The following ATP2B1 variants were observed in gnomAD, a reference collection of about 807,000 sequenced individuals.
The protein encoded by ATP2B1 is ATPase plasma membrane Ca2+ transporting 1, also known as plasma membrane calcium-transporting ATPase 1.
Under a neutral mutation model 124.2 loss-of-function variants are expected in ATP2B1, and 14 were observed. That is an observed-to-expected ratio of 0.11 (90% CI 0.07 to 0.18). The LOEUF (loss-of-function observed/expected upper bound fraction) is 0.18. Ranked by LOEUF, ATP2B1 falls within the 10% of genes least tolerant of loss-of-function variation. ATP2B1 has a pLI of 1.00. For synonymous variants in ATP2B1, 449 were observed against 492.4 expected, an observed-to-expected ratio of 0.91 and a Z score of 1.17; for missense variants, 763 against 1,466.1, an observed-to-expected ratio of 0.52 and a Z score of 7.83.
chr12:89,629,474 T>C (rs766715034), intron 6 of ATP2B1, among the ~76,000 whole-genome samples: 7 of 152,064 alleles, frequency 4.6e-5, no homozygotes, highest in East Asian at 1.9e-4. Flanking sequence ...AAGGAGGACA[T>C]AGAAAAAAAA....
intron 20 of ATP2B1, among the ~76,000 whole-genome samples, chr12:89,592,752 C>T (rs569587149): frequency 1.3e-5 from 2 of 152,134 alleles, no homozygotes; most frequent in African/African-American, 4.8e-5. Flanking sequence ...AGATTAAATT[C>T]GTTAGCACAC....
intron 1 of ATP2B1, among the ~76,000 whole-genome samples, chr12:89,657,338 T>C (rs368604106): frequency 4.6e-5 from 7 of 152,336 alleles, no homozygotes; most frequent in African/African-American, 1.2e-4. Context: ...ACACATACAA[T>C]GCCCTAAGCA....
At chr12:89,645,327 C>A (rs1884275959) in intron 2 of ATP2B1, among the ~76,000 whole-genome samples, 1 of 152,146 alleles carries the variant, frequency 6.6e-6, no homozygotes, top group Non-Finnish European at 1.5e-5. Flanking sequence ...ATAAAACGAA[C>A]AGTTTTGTAA....
chr12:89,595,778 G>T (rs1203218408), intron 20 of ATP2B1, among the ~76,000 whole-genome samples: 1 of 152,002 alleles, frequency 6.6e-6, no homozygotes, highest in Non-Finnish European at 1.5e-5. Flanking sequence ...GCAACTCTTG[G>T]TGTATAATGA....
intron 1 of ATP2B1, among the ~76,000 whole-genome samples, chr12:89,664,889 C>CTTTTTTTTTTTT: frequency 6.7e-6 from 1 of 150,348 alleles, no homozygotes; most frequent in African/African-American, 2.5e-5. Context: ...CGCTCTGTTG[C>CTTTTTTTTTTTT]CAGGCTGGAG....
intron 1 of ATP2B1, among the ~76,000 whole-genome samples, chr12:89,666,067 T>C (rs2136465942): frequency 6.6e-6 from 1 of 152,332 alleles, no homozygotes; most frequent in Middle Eastern, 3.4e-3. Flanking sequence ...GTTTCATAGT[T>C]GATGATCTTT....
At chr12:89,647,231 T>A (rs4842498) in intron 2 of ATP2B1, among the ~76,000 whole-genome samples, 139,119 of 152,000 alleles carry the variant, frequency 0.92, 64,153 homozygotes, top group East Asian at 0.99. Flanking sequence ...GGAATTGATC[T>A]TCTTATGGCC....
chr12:89,656,510 C>A (rs998026988), intron 1 of ATP2B1, among the ~76,000 whole-genome samples: 2 of 152,178 alleles, frequency 1.3e-5, no homozygotes, highest in African/African-American at 4.8e-5. Context: ...AGTGAGTTTT[C>A]TGCCCAGCTA....
In ATP2B1 at chr12:89,644,128, AAAAG is replaced by A. The variant is rs372932847; in HGVS notation, c.209-1777_209-1774del. Among the ~76,000 whole-genome samples, 225 of 152,338 alleles carry A rather than the reference AAAAG, an allele frequency of 1.5e-3. 2 individuals carry two copies. Among genetic ancestry groups the A allele is most frequent in the African/African-American group, 4.7e-3 (197 of 41,568 alleles). On this transcript the variant is annotated intron_variant, in intron 2 of 20. Coordinates refer to ENST00000428670, the MANE Select transcript of ATP2B1 (RefSeq NM_001366521.1). ...TAGAGCAAGACTCTGTTTCCGAAAA[AAAAG>A]AAAGAAAGAAAGAAAAAGAATGCTA...
chr12:89,611,165 C>A, intron 13 of ATP2B1, 28 bp downstream of exon 13: 2 of 1,552,004 alleles, frequency 1.3e-6, no homozygotes, highest in Admixed American at 2.0e-5. Context: ...ATCTGTCAAC[C>A]AAAAACAAAA....
At chr12:89,695,067 A>AAAAAAAAAAAG (rs776192730) in intron 1 of ATP2B1, among the ~76,000 whole-genome samples, 17 of 146,074 alleles carry the variant, frequency 1.2e-4, no homozygotes, top group Admixed American at 3.5e-4. Context: ...TCAAAAAAAA[A>AAAAAAAAAAAG]AAAAGAAAAG....
rs577357030 is a variant in ATP2B1, at chr12:89,627,768, A to C, written c.929-52T>G. 3.2e-6 allele frequency: 5 copies of C among 1,540,514 alleles called. No homozygotes were observed. The East Asian group carries it at 1.1e-4, about 35-fold the overall frequency. On this transcript the variant is annotated intron_variant, in intron 6 of 20. Transcript: ENST00000428670. Reference sequence around the variant, plus strand: ...CTTTCCAAAAGAAATGAATACAGCCATGCTAAATTATGCAGAAGTAGTTCA... The same window carrying C: ...CTTTCCAAAAGAAATGAATACAGCCCTGCTAAATTATGCAGAAGTAGTTCA...
At chr12:89,684,729 T>C (rs1418543546) in intron 1 of ATP2B1, among the ~76,000 whole-genome samples, 1 of 152,184 alleles carries the variant, frequency 6.6e-6, no homozygotes, top group Non-Finnish European at 1.5e-5. Context: ...ACTTAATCTT[T>C]TCCTTTTGGA....
chr12:89,634,942 G>C (rs537231725), intron 4 of ATP2B1, 39 bp from the exon 5 acceptor site: 2 of 1,610,236 alleles, frequency 1.2e-6, no homozygotes, highest in Non-Finnish European at 1.7e-6. Flanking sequence ...TTATAAACAA[G>C]ATTACAGTAA....
intron 1 of ATP2B1, among the ~76,000 whole-genome samples, chr12:89,658,009 C>T (rs1228831268): frequency 6.6e-6 from 1 of 152,084 alleles, no homozygotes; most frequent in Admixed American, 6.6e-5. Context: ...AAGTGGGTTC[C>T]CTCCTACGCA....
chr12:89,707,166 TGCC>T (rs1892561978), intron 1 of ATP2B1, among the ~76,000 whole-genome samples: 1 of 152,062 alleles, frequency 6.6e-6, no homozygotes, highest in Non-Finnish European at 1.5e-5. Context: ...AATCCACCCC[TGCC>T]ACACACAAGG....
intron 1 of ATP2B1, among the ~76,000 whole-genome samples, chr12:89,677,971 TACACAC>T (rs869199593): frequency 7.5e-4 from 39 of 52,304 alleles, no homozygotes; most frequent in Non-Finnish European, 9.2e-4. Flanking sequence ...TATATATATA[TACACAC>T]ACACACACAC....
intron 20 of ATP2B1, among the ~76,000 whole-genome samples, chr12:89,598,065 C>CAAAAAAAAAAAAAAAAA (rs1565797438): frequency 2.0e-5 from 1 of 49,722 alleles, no homozygotes. Flanking sequence ...AAAAAAAAAT[C>CAAAAAAAAAAAAAAAAA]AAAGCAAGGC....
At chr12:89,602,135 T>C (rs1421236250) in intron 18 of ATP2B1, among the ~76,000 whole-genome samples, 1 of 152,184 alleles carries the variant, frequency 6.6e-6, no homozygotes, top group Non-Finnish European at 1.5e-5. Context: ...CATGGAAATA[T>C]TAAGAATTAA....
Sources: allele counts gnomAD v4.1 joint callset (sites outside exome capture counted in the v4.1 genomes callset), GRCh38; gene constraint gnomAD v4.1.1; transcripts MANE v1.5; gene names NCBI Gene and HGNC (gene_info 2026-07-23, HGNC 2026-07-21).